The following SEMA5B variants were observed in gnomAD, a reference collection of about 807,000 sequenced individuals.
SEMA5B encodes the protein semaphorin-5B.
In SEMA5B, 66 loss-of-function variants were observed where a neutral mutation model predicts 135.0. That is an observed-to-expected ratio of 0.49 (90% confidence interval 0.40 to 0.60). The LOEUF is 0.60. Ranked by LOEUF, SEMA5B falls within the 20% of genes least tolerant of loss-of-function variation. SEMA5B has a pLI of 0.00. For missense variants in SEMA5B, 1,501 were observed against 1,566.3 expected, an observed-to-expected ratio of 0.96 and a Z score of 0.70; for synonymous variants, 690 against 639.5, an observed-to-expected ratio of 1.08 and a Z score of -1.19.
chr3:122,956,886 C>T (rs532640148), intron 2 of SEMA5B, among the ~76,000 whole-genome samples: 208 of 152,194 alleles, frequency 1.4e-3, no homozygotes, highest in Non-Finnish European at 2.6e-3. Flanking sequence ...TGCAGTCAGG[C>T]GGGTGTCTAA....
intron 1 of SEMA5B, among the ~76,000 whole-genome samples, chr3:122,987,121 C>T (rs1225773425): frequency 2.6e-5 from 4 of 151,960 alleles, no homozygotes; most frequent in Non-Finnish European, 4.4e-5. Context: ...CCCCATGGAG[C>T]CAGATGGGCT....
intron 1 of SEMA5B, among the ~76,000 whole-genome samples, chr3:122,985,189 A>G (rs1941661154): frequency 6.6e-6 from 1 of 152,222 alleles, no homozygotes; most frequent in South Asian, 2.1e-4. Flanking sequence ...GGAATTAAAA[A>G]TGGATTACTG....
At chr3:122,940,472 T>C (rs1238887067) in intron 4 of SEMA5B, among the ~76,000 whole-genome samples, 4 of 152,228 alleles carry the variant, frequency 2.6e-5, no homozygotes, top group African/African-American at 9.6e-5. Flanking sequence ...AAGTCTTGAT[T>C]TCCCCCACCA....
At chr3:122,945,031 G>A (rs969345570) in intron 3 of SEMA5B, among the ~76,000 whole-genome samples, 2 of 152,174 alleles carry the variant, frequency 1.3e-5, no homozygotes, top group African/African-American at 4.8e-5. Flanking sequence ...GTCTGTGTGT[G>A]TGTAATCCAA....
At chr3:122,958,429 C>T (rs1182208049) in intron 2 of SEMA5B, 1 of 152,230 alleles carries the variant, frequency 6.6e-6, no homozygotes, top group African/African-American at 2.4e-5. Context: ...GAAGGGAAAG[C>T]ATTGTGGGGG....
At chr3:122,965,253 A>T (rs1454735597) in intron 1 of SEMA5B, among the ~76,000 whole-genome samples, 1 of 152,214 alleles carries the variant, frequency 6.6e-6, no homozygotes, top group Non-Finnish European at 1.5e-5. Flanking sequence ...CCTGAAATTC[A>T]TTCCCCCATT....
chr3:122,967,265 T>A (rs1940896727), intron 1 of SEMA5B, among the ~76,000 whole-genome samples: 1 of 152,214 alleles, frequency 6.6e-6, no homozygotes, highest in Non-Finnish European at 1.5e-5. Flanking sequence ...CTTTTGAATG[T>A]AATCTTGTAG....
intron 1 of SEMA5B, among the ~76,000 whole-genome samples, chr3:122,967,052 T>C (rs1434890604): frequency 6.6e-6 from 1 of 151,312 alleles, no homozygotes; most frequent in Non-Finnish European, 1.5e-5. Context: ...ATCCGGTTAA[T>C]TTTGTATTTT....
chr3:122,948,765 C>T, intron 2 of SEMA5B, 56 bp from the exon 3 acceptor site: 1 of 1,387,966 alleles, frequency 7.2e-7, no homozygotes, highest in Non-Finnish European at 9.9e-7. Context: ...GCCCACTTCC[C>T]TCAATTTCCT....
chr3:122,958,619 T>C (rs904927372), intron 2 of SEMA5B, among the ~76,000 whole-genome samples: 1 of 152,222 alleles, frequency 6.6e-6, no homozygotes, highest in African/African-American at 2.4e-5. Flanking sequence ...TTGCTCTGAA[T>C]AGAGCAGATT....
In SEMA5B at chr3:122,960,722, G is replaced by A. The variant is rs544830948; in HGVS notation, c.124+418C>T. On this transcript the variant is annotated intron_variant, in intron 2 of 22. Coordinates refer to ENST00000357599, the MANE Select transcript of SEMA5B (RefSeq NM_001031702.4). Reference sequence around the variant, plus strand: ...ATGCTAAGTGAAGTAAGCCAGCCACGAAAAGATAAACACTGCATGATTCCA... The same window carrying A: ...ATGCTAAGTGAAGTAAGCCAGCCACAAAAAGATAAACACTGCATGATTCCA... 5.9e-5 allele frequency among the ~76,000 whole-genome samples: 9 copies of A among 152,322 alleles called. No individual in the cohort carries two copies. In the South Asian group the frequency reaches 1.5e-3, roughly 25 times the overall value.
chr3:122,911,237 G>T, intron 21 of SEMA5B, 192 bp from the exon 22 acceptor site: 1 of 1,116,288 alleles, frequency 9.0e-7, no homozygotes, highest in Non-Finnish European at 1.3e-6. Context: ...GGTACCCTGT[G>T]GCTCAAGTCA....
At position 122,912,082 on chromosome 3, in the gene SEMA5B, G is replaced by A. The variant is rs757997072; in HGVS notation, c.2897-13C>T. On this transcript the variant is annotated splice_polypyrimidine_tract_variant and intron_variant, in intron 19 of 22. Transcript: ENST00000357599. The stretch of plus-strand genomic sequence containing the variant: ...GGCGACCAGCCTTCTGGGGATTGTG[G>A]GTAGGATGAGGTTAACTGCCCAGGG... The A allele has an allele frequency of 1.4e-5, 23 of 1,603,640 alleles. No homozygotes were observed. Among genetic ancestry groups the A allele is most frequent in the South Asian group, 1.2e-4 (11 of 90,512 alleles).
rs989605843 is a variant in SEMA5B, at chr3:122,987,387, T to G, written c.-38-26086A>C. Among the ~76,000 whole-genome samples the G allele has an allele frequency of 1.5e-3, 229 of 152,244 alleles. 1 individual carries two copies. The highest frequency in any genetic ancestry group is 2.4e-3 in the Admixed American group (37 of 15,302). ...CATGCTGTTTTTGAATGGCTGCAGG[T>G]GGGCAGGCAGGATTCTTATCCTGCT... On this transcript the variant is annotated intron_variant, in intron 1 of 22. Coordinates refer to ENST00000357599, the MANE Select transcript of SEMA5B (RefSeq NM_001031702.4).
intron 1 of SEMA5B, among the ~76,000 whole-genome samples, chr3:123,012,146 T>C (rs1188144560): frequency 6.6e-6 from 1 of 152,198 alleles, no homozygotes. Context: ...CTGAGGTCTT[T>C]TCCTCGTGTG....
At chr3:122,933,161 C>G (rs2107670488) in intron 5 of SEMA5B, among the ~76,000 whole-genome samples, 1 of 152,096 alleles carries the variant, frequency 6.6e-6, no homozygotes, top group South Asian at 2.1e-4. Context: ...TAGCCTGGGG[C>G]TTACCTTCTT....
Position 122,910,410 on chromosome 3 carries a change from C to A in SEMA5B, c.3298-109G>T, listed in dbSNP as rs917722334. ...CAGCCGTGCAAGAACACTCAGACTGCGGATCCAGTGCTCTGTTCACACCAC... is the reference window on the plus strand; with the variant it reads ...CAGCCGTGCAAGAACACTCAGACTGAGGATCCAGTGCTCTGTTCACACCAC... On this transcript the variant is annotated intron_variant, in intron 22 of 22. Transcript: ENST00000357599. 6.9e-6 allele frequency: 8 copies of A among 1,152,668 alleles called. No homozygotes were observed. In the East Asian group the frequency reaches 7.1e-5, roughly 10 times the overall value. The allele number at this position is 1,152,668 out of a possible 1,614,324, so 71.4% of individuals were successfully genotyped here.
chr3:122,937,688 G>A (rs2107505476), intron 5 of SEMA5B, among the ~76,000 whole-genome samples: 1 of 152,264 alleles, frequency 6.6e-6, no homozygotes, highest in South Asian at 2.1e-4. Context: ...ACCTGCCCCA[G>A]GCTGACACCA....
In SEMA5B at chr3:122,912,206, C is replaced by T. The variant is rs756913268; in HGVS notation, c.2862G>A (p.Thr954=). The change falls in exon 19 of 23, where the codon ACG becomes ACA. Residue 954 remains threonine, a synonymous_variant. Coordinates refer to ENST00000357599, the MANE Select transcript of SEMA5B (RefSeq NM_001031702.4). ...PGEDICLGLH[T]EEALCATQAC... ...CCTGTGTGGCACATAGTGCCTCCTC[C>T]GTGTGCAGCCCGAGACAGATGTCCT... 2 of 1,602,334 alleles carry T rather than the reference C, an allele frequency of 1.2e-6. No individual in the cohort carries two copies. Among genetic ancestry groups the T allele is most frequent in the Non-Finnish European group, 1.7e-6 (2 of 1,172,838 alleles).
Sources: gnomAD v4.1 joint callset for allele counts (sites outside exome capture counted in the v4.1 genomes callset) on GRCh38, gnomAD v4.1.1 for gene constraint, MANE v1.5 for transcripts, NCBI Gene and HGNC (gene_info 2026-07-23, HGNC 2026-07-21) for gene names.